Variants in ULK4 observed in about 807,000 individuals in gnomAD.
The protein encoded by ULK4 is inactive serine/threonine-protein kinase ULK4.
A neutral mutation model predicts 160.6 loss-of-function variants in ULK4; 133 were observed. The observed-to-expected ratio is 0.83, with a 90% CI of 0.72 to 0.96. The LOEUF (loss-of-function observed/expected upper bound fraction) is 0.96. ULK4 is among the 40% of genes least tolerant of loss of function. The pLI, the probability that ULK4 is intolerant of heterozygous loss-of-function variation, is 0.00. For missense variants in ULK4, 1,580 were observed against 1,499.5 expected (o/e 1.05, Z -0.89); for synonymous variants, 534 against 539.8 (o/e 0.99, Z 0.15).
At chr3:41,322,609 T>C (rs1215458902) in intron 35 of ULK4, among the ~76,000 whole-genome samples, 1 of 152,206 alleles carries the variant, frequency 6.6e-6, no homozygotes, top group Non-Finnish European at 1.5e-5. Context: ...GCTACATTTC[T>C]TCAAAGCTCC....
intron 1 of ULK4, among the ~76,000 whole-genome samples, chr3:41,960,762 T>C (rs927564665): frequency 6.6e-6 from 1 of 152,202 alleles, no homozygotes; most frequent in African/African-American, 2.4e-5. Context: ...GACTTCCTAA[T>C]ATTCATTTTT....
chr3:41,807,971 C>T (rs543140720), intron 19 of ULK4, among the ~76,000 whole-genome samples: 6 of 152,260 alleles, frequency 3.9e-5, no homozygotes, highest in Non-Finnish European at 5.9e-5. Context: ...CTTCCCCATC[C>T]GCCCTTGGGG....
intron 19 of ULK4, among the ~76,000 whole-genome samples, chr3:41,812,160 C>A (rs1345351702): frequency 6.6e-6 from 1 of 152,114 alleles, no homozygotes; most frequent in African/African-American, 2.4e-5. Flanking sequence ...GTGGCACACA[C>A]CTGTAGTCTC....
rs76817417 is a variant in ULK4, at chr3:41,386,895, G to A, written c.3678+11184C>T. 6.7e-3 allele frequency among the ~76,000 whole-genome samples: 1,017 copies of A among 152,160 alleles called. 4 individuals are homozygous for A. Among genetic ancestry groups the A allele is most frequent in the African/African-American group, 0.015 (625 of 41,538 alleles). On this transcript the variant is annotated intron_variant, in intron 35 of 36. Coordinates refer to ENST00000301831, the MANE Select transcript of ULK4 (RefSeq NM_017886.4). Reference sequence around the variant, plus strand: ...TTGTCGATACCTATGGTAAAGATCTGTATATTTCCTCAAGGCTCTTGAGGT... The same window carrying A: ...TTGTCGATACCTATGGTAAAGATCTATATATTTCCTCAAGGCTCTTGAGGT...
At chr3:41,247,085 G>T in intron 36 of ULK4, 93 bp from the exon 37 acceptor site, 1 of 1,187,474 alleles carries the variant, frequency 8.4e-7, no homozygotes, top group Non-Finnish European at 1.2e-6. Flanking sequence ...TTGCACCCGA[G>T]TATCTGGTGG....
chr3:41,535,097 T>C (rs1038658346), intron 32 of ULK4, among the ~76,000 whole-genome samples: 1 of 152,234 alleles, frequency 6.6e-6, no homozygotes, highest in Non-Finnish European at 1.5e-5. Context: ...TTATCAATGC[T>C]TGCCTTTTCC....
intron 18 of ULK4, among the ~76,000 whole-genome samples, chr3:41,823,783 C>A (rs2041233643): frequency 6.6e-6 from 1 of 152,188 alleles, no homozygotes; most frequent in East Asian, 1.9e-4. Context: ...ACTTCCTTTT[C>A]CAGTTTGCTA....
At chr3:41,448,832 A>G (rs2083364017) in intron 34 of ULK4, among the ~76,000 whole-genome samples, 1 of 152,178 alleles carries the variant, frequency 6.6e-6, no homozygotes, top group South Asian at 2.1e-4. Flanking sequence ...AATTGAGTGG[A>G]AGTTAGTTTC....
chr3:41,814,121 A>AG (rs2040896560), intron 19 of ULK4, among the ~76,000 whole-genome samples: 1 of 152,180 alleles, frequency 6.6e-6, no homozygotes, highest in Non-Finnish European at 1.5e-5. Flanking sequence ...GTCTGCTCGC[A>AG]GGGGAGGCTC....
At chr3:41,765,962 A>C (rs556852753) in intron 21 of ULK4, among the ~76,000 whole-genome samples, 14 of 152,306 alleles carry the variant, frequency 9.2e-5, no homozygotes, top group Admixed American at 7.2e-4. Context: ...AAGACACACA[A>C]AGTTTGTAAG....
At chr3:41,380,807 G>T (rs1304352944) in intron 35 of ULK4, among the ~76,000 whole-genome samples, 2 of 152,026 alleles carry the variant, frequency 1.3e-5, no homozygotes, top group Non-Finnish European at 2.9e-5. Context: ...TATTCACTGT[G>T]CCCTTTGGAC....
chr3:41,935,193 T>TTTTATTTATTTATTTATTTA (rs1293341758), intron 4 of ULK4, among the ~76,000 whole-genome samples: 1 of 23,602 alleles, frequency 4.2e-5, no homozygotes, highest in East Asian at 8.6e-4. Context: ...TTTTTTGTGT[T>TTTTATTTATTTATTTATTTA]TTTATTTATT....
At chr3:41,448,777 G>A (rs181145759) in intron 34 of ULK4, among the ~76,000 whole-genome samples, 1 of 152,300 alleles carries the variant, frequency 6.6e-6, no homozygotes, top group Non-Finnish European at 1.5e-5. Flanking sequence ...GGGGCAGGAT[G>A]GCGAAGGAAA....
intron 32 of ULK4, among the ~76,000 whole-genome samples, chr3:41,553,024 T>C (rs2087134089): frequency 1.3e-5 from 2 of 152,092 alleles, no homozygotes. Context: ...CTTCAATAAA[T>C]GGTGCTGGGA....
intron 25 of ULK4, among the ~76,000 whole-genome samples, chr3:41,707,987 G>A (rs2036962730): frequency 6.6e-6 from 1 of 151,924 alleles, no homozygotes; most frequent in East Asian, 1.9e-4. Context: ...CATAAGAATG[G>A]CTATTATCAA....
chr3:41,907,018 C>T (rs192054674), intron 12 of ULK4, among the ~76,000 whole-genome samples: 8 of 152,040 alleles, frequency 5.3e-5, no homozygotes, highest in Non-Finnish European at 7.4e-5. Flanking sequence ...ACAAACATAA[C>T]ATATACTAAG....
At chr3:41,859,465 C>G (rs561043961) in intron 17 of ULK4, 1 of 551,288 alleles carries the variant, frequency 1.8e-6, no homozygotes, top group African/African-American at 1.9e-5. Flanking sequence ...GAAACCTGGA[C>G]AGGTCACCAA....
chr3:41,611,509 A>ATC (rs1366249445), intron 31 of ULK4, among the ~76,000 whole-genome samples: 4 of 152,204 alleles, frequency 2.6e-5, no homozygotes, highest in Non-Finnish European at 5.9e-5. Flanking sequence ...CGTGTTCTGT[A>ATC]TCTTATGTTG....
intron 34 of ULK4, among the ~76,000 whole-genome samples, chr3:41,444,212 C>T (rs2083239641): frequency 6.6e-6 from 1 of 152,022 alleles, no homozygotes; most frequent in African/African-American, 2.4e-5. Flanking sequence ...TCATTTTTTT[C>T]TCATTTAATT....
Sources: allele counts gnomAD v4.1 joint callset (sites outside exome capture counted in the v4.1 genomes callset), GRCh38; gene constraint gnomAD v4.1.1; transcripts MANE v1.5; gene names NCBI Gene and HGNC (gene_info 2026-07-23, HGNC 2026-07-21).